PRKDC: variants seen among roughly 807,000 people sequenced by gnomAD.
PRKDC encodes DNA-dependent protein kinase catalytic subunit.
A neutral mutation model predicts 486.9 loss-of-function variants in PRKDC; 82 were observed. The observed-to-expected ratio is 0.17, with a 90% confidence interval of 0.14 to 0.20. PRKDC has a LOEUF of 0.20. PRKDC is among the 10% of genes least tolerant of loss of function. PRKDC has a pLI of 1.00. For synonymous variants in PRKDC, 1,895 were observed against 1,837.0 expected (o/e 1.03, Z -0.81); for missense variants, 4,504 against 5,038.2 (o/e 0.89, Z 3.21).
Position 47,925,615 on chromosome 8 carries a change from C to T in PRKDC, c.2419+1579G>A, listed in dbSNP as rs184652233. Among the ~76,000 whole-genome samples the T allele has an allele frequency of 5.3e-5, 8 of 152,254 alleles. No individual in the cohort carries two copies. The East Asian group carries it at 1.5e-3, about 29-fold the overall frequency. Reference sequence around the variant, plus strand: ...ACTGTTACTTGGAAGAATATGTATCCATGTTATTTTTCTGGATTTTGATAA... The same window carrying T: ...ACTGTTACTTGGAAGAATATGTATCTATGTTATTTTTCTGGATTTTGATAA... On this transcript the variant is annotated intron_variant, in intron 21 of 85. Transcript: ENST00000314191.
Position 47,864,954 on chromosome 8 carries a change from C to A in PRKDC, c.5364-191G>T, listed in dbSNP as rs565488532. Among the ~76,000 whole-genome samples the A allele has an allele frequency of 3.3e-5, 5 of 152,318 alleles. No individual in the cohort carries two copies. In the East Asian group the frequency reaches 9.6e-4, roughly 29 times the overall value. On this transcript the variant is annotated intron_variant, in intron 40 of 85. Transcript: ENST00000314191. ...ATGAACCATACTACTTTTATCCACT[C>A]CCCAAAATCTTCAAATCAAACATGG...
At chr8:47,861,961 G>A (rs1316728747) in intron 44 of PRKDC, 101 bp downstream of exon 44, 1 of 959,504 alleles carries the variant, frequency 1.0e-6, no homozygotes, top group East Asian at 2.7e-5. Flanking sequence ...AGTTTTTGTT[G>A]AAAGCCGACT....
At chr8:47,942,760 C>T (rs1458527107) in intron 10 of PRKDC, among the ~76,000 whole-genome samples, 1 of 152,200 alleles carries the variant, frequency 6.6e-6, no homozygotes, top group African/African-American at 2.4e-5. Context: ...CTTCCACATA[C>T]GCAGGTACAG....
chr8:47,957,971 A>C (rs2090735667), intron 1 of PRKDC, among the ~76,000 whole-genome samples: 1 of 152,250 alleles, frequency 6.6e-6, no homozygotes, highest in Admixed American at 6.5e-5. Context: ...CCCTGGGGTC[A>C]CATCTTGTGA....
In PRKDC at chr8:47,803,494, A is replaced by G; in HGVS notation, c.9748-14T>C. On this transcript the variant is annotated splice_polypyrimidine_tract_variant and intron_variant, in intron 69 of 85. Transcript: ENST00000314191. ...TGAGAAATTGTTCTGTATGAATACAATAAAAAGAGAGAAGGTGGTATGATG... is the reference window on the plus strand; with the variant it reads ...TGAGAAATTGTTCTGTATGAATACAGTAAAAAGAGAGAAGGTGGTATGATG... 1 of 1,612,850 alleles carries G rather than the reference A, an allele frequency of 6.2e-7. No homozygotes were observed. The highest frequency in any genetic ancestry group is 8.5e-7 in the Non-Finnish European group (1 of 1,178,884).
chr8:47,860,891 C>T lies in PRKDC; in HGVS notation c.6058+8G>A, dbSNP rs749786668. On this transcript the variant is annotated splice_region_variant and intron_variant, in intron 45 of 85. Transcript: ENST00000314191. ...GAATCCTTTCTCATGATTTTGAAAA[C>T]ATCCTACCTGAATCCCCATTTGCTG... 3 of 1,598,234 alleles carry T rather than the reference C, an allele frequency of 1.9e-6. No individual in the cohort carries two copies. Among genetic ancestry groups the T allele is most frequent in the South Asian group, 1.1e-5 (1 of 87,778 alleles).
rs776137186 is a variant in PRKDC at position 47,777,817 on chromosome 8, T to A, written c.11911A>T (p.Met3971Leu). ...AGGCCCGTTTCTTTCATTGGTAACATCAGATTGATAAACTGGCGAGTTAGC... is the reference window on the plus strand; with the variant it reads ...AGGCCCGTTTCTTTCATTGGTAACAACAGATTGATAAACTGGCGAGTTAGC... ...FRLTRQFINLMLPMKETGLMY... is the reference protein window; with the variant it reads ...FRLTRQFINLLLPMKETGLMY... Residue 3971 changes from methionine (M) to leucine (L), a missense_variant, in exon 84 of 86, where the codon ATG becomes TTG. Coordinates refer to ENST00000314191, the MANE Select transcript of PRKDC (RefSeq NM_006904.7). 2 of 1,613,932 alleles carry A rather than the reference T, an allele frequency of 1.2e-6. No individual in the cohort carries two copies. Among genetic ancestry groups the A allele is most frequent in the Non-Finnish European group, 1.7e-6 (2 of 1,179,898 alleles).
intron 76 of PRKDC, among the ~76,000 whole-genome samples, chr8:47,785,542 C>T (rs1407072981): frequency 6.6e-6 from 1 of 151,186 alleles, no homozygotes; most frequent in African/African-American, 2.4e-5. Flanking sequence ...GAGACCAACC[C>T]GGGCAACATA....
At chr8:47,896,407 G>C (rs1265383951) in intron 30 of PRKDC, among the ~76,000 whole-genome samples, 2 of 151,990 alleles carry the variant, frequency 1.3e-5, no homozygotes, top group Non-Finnish European at 2.9e-5. Context: ...CAGCACTTTG[G>C]GAGGCCAAGG....
At chr8:47,853,233 T>C (rs979647409) in intron 51 of PRKDC, among the ~76,000 whole-genome samples, 1 of 152,222 alleles carries the variant, frequency 6.6e-6, no homozygotes, top group Non-Finnish European at 1.5e-5. Context: ...CAGGGGACTC[T>C]GCAAGGTTAT....
At chr8:47,857,946 G>T (rs920886387) in intron 48 of PRKDC, among the ~76,000 whole-genome samples, 15 of 152,078 alleles carry the variant, frequency 9.9e-5, no homozygotes, top group Non-Finnish European at 1.9e-4. Context: ...CCTGGCTCTG[G>T]TCCAGACCAC....
chr8:47,864,993 G>C (rs1380711134), intron 40 of PRKDC, among the ~76,000 whole-genome samples: 3 of 152,176 alleles, frequency 2.0e-5, no homozygotes, highest in Non-Finnish European at 4.4e-5. Context: ...TTAAAAAGAA[G>C]AATGTTTCAT....
chr8:47,863,357 A>T, intron 42 of PRKDC, 42 bp downstream of exon 42: 1 of 1,464,850 alleles, frequency 6.8e-7, no homozygotes, highest in Non-Finnish European at 9.4e-7. Flanking sequence ...TACCCAAAGC[A>T]TTGATAAATA....
Position 47,801,217 on chromosome 8 carries a change from T to G in PRKDC, c.9923-231A>C, listed in dbSNP as rs183865291. 7.9e-5 allele frequency among the ~76,000 whole-genome samples: 12 copies of G among 152,122 alleles called. No individual in the cohort carries two copies. In the East Asian group the frequency reaches 2.3e-3, roughly 29 times the overall value. On this transcript the variant is annotated intron_variant, in intron 70 of 85. Transcript: ENST00000314191. ...CTCCCAATTAGCTGGGACTACAGGCTTGCACCACCATGCCCGGCTATTTTT... is the reference window on the plus strand; with the variant it reads ...CTCCCAATTAGCTGGGACTACAGGCGTGCACCACCATGCCCGGCTATTTTT...
At chr8:47,861,535 G>A (rs1386338572) in intron 44 of PRKDC, among the ~76,000 whole-genome samples, 2 of 152,198 alleles carry the variant, frequency 1.3e-5, no homozygotes, top group African/African-American at 4.8e-5. Context: ...GAAAGTGCAC[G>A]CCATGGTGGA....
chr8:47,959,838 G>T (rs1448768074), intron 1 of PRKDC, 135 bp downstream of exon 1: 2 of 1,413,340 alleles, frequency 1.4e-6, no homozygotes, highest in Non-Finnish European at 1.9e-6. Flanking sequence ...CACATACACA[G>T]AAATTCCCCC....
At chr8:47,785,967 G>T (rs554540061) in intron 76 of PRKDC, among the ~76,000 whole-genome samples, 20 of 152,074 alleles carry the variant, frequency 1.3e-4, no homozygotes, top group African/African-American at 4.6e-4. Context: ...TTAGTCGGGT[G>T]TGGTGGCTCA....
chr8:47,884,535 T>C (rs1286183725), intron 36 of PRKDC, among the ~76,000 whole-genome samples: 1 of 152,206 alleles, frequency 6.6e-6, no homozygotes, highest in African/African-American at 2.4e-5. Context: ...AGGGAAGGAA[T>C]AGAGGTCAAA....
chr8:47,855,039 A>G (rs1371763370), intron 50 of PRKDC, among the ~76,000 whole-genome samples, 183 bp downstream of exon 50: 1 of 152,176 alleles, frequency 6.6e-6, no homozygotes, highest in African/African-American at 2.4e-5. Flanking sequence ...GGGCAGGGCC[A>G]CTGGAGGGTG....
Sources: gnomAD v4.1 joint callset for allele counts (sites outside exome capture counted in the v4.1 genomes callset) on GRCh38, gnomAD v4.1.1 for gene constraint, MANE v1.5 for transcripts, NCBI Gene and HGNC (gene_info 2026-07-23, HGNC 2026-07-21) for gene names.